The following CSMD1 variants were observed in gnomAD, a reference collection of about 807,000 sequenced individuals.
CSMD1 encodes CUB and Sushi multiple domains 1.
CSMD1 carries 213 observed loss-of-function variants against 417.5 expected under a neutral mutation model. The ratio of observed to expected loss-of-function variants is 0.51; its 90% CI spans 0.46 to 0.57. CSMD1 has a LOEUF of 0.57. Among genes scored for constraint, CSMD1 ranks in the 20% least tolerant of loss-of-function variants. The probability of loss-of-function intolerance (pLI) is 0.00; values close to 1 mark genes in which losing one functional copy is unlikely to be tolerated. For missense variants in CSMD1, 6,923 were observed against 4,529.7 expected, an observed-to-expected ratio of 1.53 and a Z score of -15.17; for synonymous variants, 2,862 against 1,736.8, an observed-to-expected ratio of 1.65 and a Z score of -16.11.
chr8:4,887,043 T>C (rs1411906478), intron 1 of CSMD1, among the ~76,000 whole-genome samples: 4 of 152,042 alleles, frequency 2.6e-5, no homozygotes, highest in African/African-American at 9.7e-5. Context: ...ATAATCCATT[T>C]CCAATGTGCT....
At chr8:3,667,307 G>T (rs753947346) in intron 7 of CSMD1, among the ~76,000 whole-genome samples, 2 of 152,070 alleles carry the variant, frequency 1.3e-5, no homozygotes, top group Non-Finnish European at 2.9e-5. Flanking sequence ...AATAAGGAAA[G>T]ATAAAAAGAG....
chr8:4,884,210 T>C (rs1326545120), intron 1 of CSMD1, among the ~76,000 whole-genome samples: 1 of 151,990 alleles, frequency 6.6e-6, no homozygotes, highest in Non-Finnish European at 1.5e-5. Context: ...ACTTCGTGTG[T>C]GTGTGTGTGT....
intron 7 of CSMD1, among the ~76,000 whole-genome samples, chr8:3,674,928 G>T (rs13265238): frequency 0.46 from 70,231 of 151,952 alleles, 16,661 homozygotes; most frequent in Admixed American, 0.56. Flanking sequence ...TATGCAACAC[G>T]TCACCCCCTA....
chr8:4,963,858 A>T (rs990641290), intron 1 of CSMD1, among the ~76,000 whole-genome samples: 1 of 152,112 alleles, frequency 6.6e-6, no homozygotes, highest in Non-Finnish European at 1.5e-5. Flanking sequence ...TACTAGCCTA[A>T]CCTAAGCTCA....
intron 5 of CSMD1, among the ~76,000 whole-genome samples, chr8:3,963,082 A>G (rs937561450): frequency 1.3e-5 from 2 of 152,062 alleles, no homozygotes; most frequent in African/African-American, 4.8e-5. Flanking sequence ...AGGTATGCAC[A>G]ACCACGTCTG....
rs372122534 is a variant in CSMD1 at position 3,715,083 on chromosome 8, TTCA to T, written c.932-6595_932-6593del. On this transcript the variant is annotated intron_variant, in intron 6 of 69. Transcript: ENST00000635120. ...CTTCCCCTCCAAATTTTAACATTTC[TTCA>T]TTAGATTTTTTTGTGTTTTACACTG... 2.2e-3 allele frequency among the ~76,000 whole-genome samples: 341 copies of T among 152,360 alleles called. 3 individuals carry two copies. The highest frequency in any genetic ancestry group is 7.8e-3 in the African/African-American group (324 of 41,592).
At chr8:4,633,853 G>A (rs534654485) in intron 2 of CSMD1, among the ~76,000 whole-genome samples, 1 of 152,134 alleles carries the variant, frequency 6.6e-6, no homozygotes, top group Non-Finnish European at 1.5e-5. Flanking sequence ...GAGCCACCAT[G>A]CTTAGCCCAA....
intron 2 of CSMD1, among the ~76,000 whole-genome samples, chr8:4,563,802 T>C (rs1798459872): frequency 6.6e-6 from 1 of 152,174 alleles, no homozygotes; most frequent in Non-Finnish European, 1.5e-5. Context: ...GTCCCCAATG[T>C]GTGGCCCTGT....
intron 2 of CSMD1, among the ~76,000 whole-genome samples, chr8:4,613,350 T>G (rs1016879528): frequency 2.6e-5 from 4 of 152,126 alleles, no homozygotes; most frequent in African/African-American, 9.7e-5. Context: ...AGGGTTGTCA[T>G]TCTCACCTCC....
At chr8:2,972,556 G>A (rs777026044) in intron 57 of CSMD1, among the ~76,000 whole-genome samples, 1 of 152,128 alleles carries the variant, frequency 6.6e-6, no homozygotes, top group South Asian at 2.1e-4. Flanking sequence ...TAAGGTGTCC[G>A]TGGCTATTCT....
At chr8:3,817,571 G>A (rs1221370370) in intron 5 of CSMD1, among the ~76,000 whole-genome samples, 4 of 151,932 alleles carry the variant, frequency 2.6e-5, no homozygotes, top group South Asian at 2.1e-4. Context: ...GAGCCACTGC[G>A]CCTGGCCATC....
At chr8:3,607,307 A>G (rs555434116) in intron 8 of CSMD1, among the ~76,000 whole-genome samples, 45 of 152,324 alleles carry the variant, frequency 3.0e-4, no homozygotes, top group Non-Finnish European at 4.0e-4. Flanking sequence ...GTCATGTCCA[A>G]TGATCACAAT....
chr8:3,752,712 T>G (rs939665679), intron 6 of CSMD1, among the ~76,000 whole-genome samples: 1 of 147,642 alleles, frequency 6.8e-6, no homozygotes, highest in African/African-American at 2.5e-5. Context: ...AAACATATTT[T>G]GTTGAAACGA....
chr8:3,687,267 G>C (rs939398982), intron 7 of CSMD1, among the ~76,000 whole-genome samples: 6 of 152,134 alleles, frequency 3.9e-5, no homozygotes, highest in African/African-American at 1.2e-4. Flanking sequence ...AGCATTTCCA[G>C]GACCAAAAAA....
chr8:3,332,966 A>C (rs552826493), intron 23 of CSMD1, among the ~76,000 whole-genome samples: 54 of 152,198 alleles, frequency 3.5e-4, no homozygotes, highest in Non-Finnish European at 6.9e-4. Context: ...AGCCTGACTC[A>C]ATCCAGGGAA....
chr8:3,919,122 T>C (rs550753561), intron 5 of CSMD1, among the ~76,000 whole-genome samples: 10 of 148,134 alleles, frequency 6.8e-5, no homozygotes. Context: ...GTGCAGAAGA[T>C]TCTGTGTTTG....
chr8:3,742,796 AAAAC>A (rs1268145325), intron 6 of CSMD1, among the ~76,000 whole-genome samples: 4 of 152,210 alleles, frequency 2.6e-5, no homozygotes, highest in African/African-American at 4.8e-5. Flanking sequence ...GCAACAACAA[AAAAC>A]AAACAGAGAA....
chr8:3,804,106 A>G (rs1428724218), intron 5 of CSMD1, among the ~76,000 whole-genome samples: 3 of 151,642 alleles, frequency 2.0e-5, no homozygotes, highest in Admixed American at 2.0e-4. Context: ...TTTTTGTTAT[A>G]TTTTTAGTAG....
At chr8:3,907,399 G>A (rs1187822417) in intron 5 of CSMD1, among the ~76,000 whole-genome samples, 1 of 152,066 alleles carries the variant, frequency 6.6e-6, no homozygotes, top group Non-Finnish European at 1.5e-5. Context: ...GGTAATTTAG[G>A]TCTTTTATTA....
Sources: allele counts gnomAD v4.1 joint callset (sites outside exome capture counted in the v4.1 genomes callset), GRCh38; gene constraint gnomAD v4.1.1; transcripts MANE v1.5; gene names NCBI Gene and HGNC (gene_info 2026-07-23, HGNC 2026-07-21).